GPBP1: variants seen among roughly 807,000 people sequenced by gnomAD.
The protein encoded by GPBP1 is GC-rich promoter binding protein 1.
Under a neutral mutation model 56.5 loss-of-function variants are expected in GPBP1, and 13 were observed. The observed-to-expected ratio is 0.23, with a 90% confidence interval of 0.15 to 0.37. The LOEUF is 0.37. Among genes scored for constraint, GPBP1 ranks in the 10% least tolerant of loss-of-function variants. The probability of loss-of-function intolerance (pLI) is 1.00; values close to 1 mark genes in which losing one functional copy is unlikely to be tolerated. For missense variants in GPBP1, 477 were observed against 572.3 expected (o/e 0.83, Z 1.70); for synonymous variants, 204 against 188.9 (o/e 1.08, Z -0.66).
chr5:57,200,179 C>T (rs1561333292), intron 2 of GPBP1, among the ~76,000 whole-genome samples: 1 of 143,822 alleles, frequency 7.0e-6, no homozygotes, highest in Non-Finnish European at 1.5e-5. Context: ...CCTCTCTTTC[C>T]TTTTCTTTCT....
chr5:57,219,397 A>ACC (rs1458460569), intron 3 of GPBP1, among the ~76,000 whole-genome samples: 2 of 58,182 alleles, frequency 3.4e-5, no homozygotes, highest in Admixed American at 2.0e-4. Context: ...AAAAAAAAAA[A>ACC]AAAAAACCAA....
intron 2 of GPBP1, among the ~76,000 whole-genome samples, chr5:57,207,888 T>TTCCCTGGACATCCAGCTATTTGTG (rs2111732004): frequency 6.6e-6 from 1 of 152,266 alleles, no homozygotes; most frequent in African/African-American, 2.4e-5. Flanking sequence ...ACTGGCATGC[T>TTCCCTGGACATCCAGCTATTTGTG]TCCCTGGACA....
chr5:57,212,960 G>A (rs1755553947), intron 2 of GPBP1, among the ~76,000 whole-genome samples: 1 of 151,950 alleles, frequency 6.6e-6, no homozygotes, highest in African/African-American at 2.4e-5. Flanking sequence ...GGGATTATAC[G>A]CGTGAGCCAC....
At chr5:57,229,574 G>C (rs1175495785) in intron 3 of GPBP1, among the ~76,000 whole-genome samples, 1 of 151,220 alleles carries the variant, frequency 6.6e-6, no homozygotes, top group African/African-American at 2.4e-5. Context: ...TCTCGTCCAG[G>C]CTCTGGAGTA....
intron 2 of GPBP1, among the ~76,000 whole-genome samples, chr5:57,211,640 A>G (rs868406695): frequency 5.3e-5 from 8 of 151,678 alleles, no homozygotes; most frequent in Middle Eastern, 3.4e-3. Context: ...CTGGAGTGCA[A>G]TGGCGCGATC....
At chr5:57,248,368 T>A (rs1741190016) in intron 8 of GPBP1, among the ~76,000 whole-genome samples, 1 of 151,870 alleles carries the variant, frequency 6.6e-6, no homozygotes, top group South Asian at 2.1e-4. Flanking sequence ...AGCACTTATA[T>A]TATTATACCT....
intron 2 of GPBP1, among the ~76,000 whole-genome samples, chr5:57,196,998 T>C (rs1754793263): frequency 6.6e-6 from 1 of 151,920 alleles, no homozygotes; most frequent in Admixed American, 6.6e-5. Flanking sequence ...GCCAGGCTGG[T>C]CTTGAACTCC....
At chr5:57,207,263 C>T (rs557660106) in intron 2 of GPBP1, among the ~76,000 whole-genome samples, 1 of 152,322 alleles carries the variant, frequency 6.6e-6, no homozygotes, top group East Asian at 1.9e-4. Context: ...TAGGGCCCCT[C>T]GCACTTCCAA....
At chr5:57,257,489 A>G (rs962344381) in intron 10 of GPBP1, among the ~76,000 whole-genome samples, 7 of 152,234 alleles carry the variant, frequency 4.6e-5, no homozygotes, top group Admixed American at 3.9e-4. Flanking sequence ...ACAGTTGTCA[A>G]CTTGTTTAAG....
At chr5:57,206,153 T>C (rs1042370910) in intron 2 of GPBP1, among the ~76,000 whole-genome samples, 2 of 152,234 alleles carry the variant, frequency 1.3e-5, no homozygotes, top group Admixed American at 6.5e-5. Context: ...TTATTAGATA[T>C]GAGGTGCATA....
chr5:57,226,459 A>G (rs1756193321), intron 3 of GPBP1, among the ~76,000 whole-genome samples: 1 of 152,100 alleles, frequency 6.6e-6, no homozygotes, highest in African/African-American at 2.4e-5. Context: ...ACAGTGGAAT[A>G]ATAATGGGAA....
At chr5:57,208,494 C>T (rs1405189249) in intron 2 of GPBP1, among the ~76,000 whole-genome samples, 1 of 151,896 alleles carries the variant, frequency 6.6e-6, no homozygotes, top group African/African-American at 2.4e-5. Context: ...TGTCCTCCCA[C>T]AGTGCTGGGA....
intron 10 of GPBP1, among the ~76,000 whole-genome samples, chr5:57,252,540 A>T (rs2111950592): frequency 6.6e-6 from 1 of 151,990 alleles, no homozygotes; most frequent in East Asian, 1.9e-4. Flanking sequence ...ACAGGTGTGC[A>T]CCACCATACC....
At chr5:57,200,401 A>G (rs977660289) in intron 2 of GPBP1, among the ~76,000 whole-genome samples, 1 of 121,594 alleles carries the variant, frequency 8.2e-6, no homozygotes, top group Non-Finnish European at 1.6e-5. Context: ...GGAGTATCAT[A>G]CTGTCTCCCA....
rs1257535437 is a variant in GPBP1, at chr5:57,249,561, T to C, written c.957T>C (p.Arg319=). ...RVEEEHEDES[R]AGSEKDDDSF... ...AAGAGGAACATGAAGATGAAAGCCG[T>C]GCTGGCTCAGAGAAGGTAATTGAAT... The change falls in exon 9 of 12, where the codon CGT becomes CGC. Residue 319 remains arginine (R), a synonymous_variant. Coordinates refer to ENST00000506184, the MANE Select transcript of GPBP1 (RefSeq NM_022913.4). The C allele has an allele frequency of 1.2e-6, 2 of 1,602,794 alleles. No individual in the cohort carries two copies. The highest frequency in any genetic ancestry group is 1.8e-5 in the Admixed American group (1 of 56,452).
chr5:57,206,862 A>C (rs1755254997), intron 2 of GPBP1, among the ~76,000 whole-genome samples: 1 of 152,166 alleles, frequency 6.6e-6, no homozygotes, highest in African/African-American at 2.4e-5. Flanking sequence ...AGTTTTGATC[A>C]CTATGGCCAA....
chr5:57,231,120 A>G lies in GPBP1; in HGVS notation c.210A>G (p.Lys70=). The G allele has an allele frequency of 6.2e-7, 1 of 1,613,206 alleles. No homozygotes were observed. Among genetic ancestry groups the G allele is most frequent in the Non-Finnish European group, 8.5e-7 (1 of 1,179,780 alleles). ...AAGGTAACTTTGGAAGGAAAGAAAA[A>G]AATGGATGGCGTACACATGGAAGAA... ...PNGGNFGRKE[K]NGWRTHGRNG... is the part of the protein sequence containing the mutation. Residue 70 remains lysine (K), a synonymous_variant, in exon 5 of 12, where the codon AAA becomes AAG. Coordinates refer to ENST00000506184, the MANE Select transcript of GPBP1 (RefSeq NM_022913.4).
intron 6 of GPBP1, chr5:57,237,100 C>A: frequency 6.5e-7 from 1 of 1,534,654 alleles, no homozygotes; most frequent in South Asian, 1.2e-5. Context: ...AGTATTTCTA[C>A]CACTCTCCCC....
intron 3 of GPBP1, among the ~76,000 whole-genome samples, chr5:57,216,585 C>T (rs1269500792): frequency 2.0e-5 from 3 of 151,840 alleles, no homozygotes; most frequent in African/African-American, 7.3e-5. Flanking sequence ...TAGCTAGGTG[C>T]GGTGGCATGA....
Sources: gnomAD v4.1 joint callset for allele counts (sites outside exome capture counted in the v4.1 genomes callset) on GRCh38, gnomAD v4.1.1 for gene constraint, MANE v1.5 for transcripts, NCBI Gene and HGNC (gene_info 2026-07-23, HGNC 2026-07-21) for gene names.